CRACR2A: variants seen among roughly 807,000 people sequenced by gnomAD.
CRACR2A encodes calcium release activated channel regulator 2A.
CRACR2A carries 79 observed loss-of-function variants against 90.5 expected under a neutral mutation model. That is an observed-to-expected ratio of 0.87 (90% CI 0.73 to 1.05). The LOEUF (loss-of-function observed/expected upper bound fraction) is 1.05. Ranked by LOEUF, CRACR2A falls within the 50% of genes least tolerant of loss-of-function variation. The pLI is 0.00. For synonymous variants in CRACR2A, 338 were observed against 356.7 expected, an observed-to-expected ratio of 0.95 and a Z score of 0.59; for missense variants, 823 against 897.2, an observed-to-expected ratio of 0.92 and a Z score of 1.06.
chr12:3,729,089 T>C (rs1182509430), intron 2 of CRACR2A: 1 of 152,230 alleles, frequency 6.6e-6, no homozygotes, highest in Non-Finnish European at 1.5e-5. Flanking sequence ...CTGCCTGAAC[T>C]AGCCTCCAGG....
At chr12:3,721,808 T>C (rs1946182436) in intron 2 of CRACR2A, among the ~76,000 whole-genome samples, 1 of 152,184 alleles carries the variant, frequency 6.6e-6, no homozygotes, top group East Asian at 1.9e-4. Context: ...TGATGTTCTT[T>C]AGTATTTCCT....
intron 2 of CRACR2A, among the ~76,000 whole-genome samples, chr12:3,725,124 T>C (rs748552360): frequency 5.9e-5 from 9 of 152,206 alleles, no homozygotes; most frequent in Non-Finnish European, 1.0e-4. Flanking sequence ...TCACTCACTT[T>C]GCTTCCATAT....
intron 11 of CRACR2A, chr12:3,647,808 CT>C (rs1372211344): frequency 1.0e-6 from 1 of 969,132 alleles, no homozygotes. Context: ...ACCCAAAGTC[CT>C]TCTGTTTCCT....
rs988799150 is a variant in CRACR2A at position 3,687,088 on chromosome 12, C to T, written c.229-6739G>A. On this transcript the variant is annotated intron_variant, in intron 4 of 19. Coordinates refer to ENST00000440314, the MANE Select transcript of CRACR2A (RefSeq NM_001144958.2). ...TCCGATCACATGGCAGTCTCCCCAC[C>T]CCTTGACAATTGTAAAGCCAATCTC... is the stretch of plus-strand genomic sequence containing the variant. 6.6e-5 allele frequency among the ~76,000 whole-genome samples: 10 copies of T among 152,230 alleles called. No individual in the cohort carries two copies. In the South Asian group the frequency reaches 2.1e-3, roughly 32 times the overall value.
chr12:3,630,341 G>A lies in CRACR2A; in HGVS notation c.1736-2635C>T, dbSNP rs893675312. On this transcript the variant is annotated intron_variant, in intron 15 of 19. Coordinates refer to ENST00000440314, the MANE Select transcript of CRACR2A (RefSeq NM_001144958.2). ...CAGGAGGGTGACCTTAACCTTTCTC[G>A]AGGTGACAGCCCTGAGCTGTCATAA... 4.6e-5 allele frequency among the ~76,000 whole-genome samples: 7 copies of A among 152,156 alleles called. No homozygotes were observed. In the East Asian group the frequency reaches 9.6e-4, roughly 21 times the overall value.
intron 8 of CRACR2A, among the ~76,000 whole-genome samples, chr12:3,656,788 G>A (rs1008309609): frequency 2.0e-5 from 3 of 152,130 alleles, no homozygotes; most frequent in African/African-American, 7.2e-5. Context: ...GGGGGTGACT[G>A]GGGGAGGCAG....
chr12:3,716,006 A>G (rs889087669), intron 2 of CRACR2A, among the ~76,000 whole-genome samples: 43 of 152,266 alleles, frequency 2.8e-4, no homozygotes, highest in African/African-American at 1.0e-3. Flanking sequence ...TGAAGAGAAG[A>G]AGGAGCGGGA....
chr12:3,695,388 T>A (rs775398708), intron 4 of CRACR2A, among the ~76,000 whole-genome samples: 1 of 152,174 alleles, frequency 6.6e-6, no homozygotes, highest in Non-Finnish European at 1.5e-5. Context: ...GGGGGAGTCA[T>A]CACTGCAAAG....
rs911579790 is a variant in CRACR2A at position 3,633,228 on chromosome 12, G to T, written c.1735+376C>A. 3.3e-5 allele frequency among the ~76,000 whole-genome samples: 5 copies of T among 152,202 alleles called. No individual in the cohort carries two copies. The highest frequency in any genetic ancestry group is 1.2e-4 in the African/African-American group (5 of 41,522). ...CTCGGGAGGAGTCCTGGTCAGTTCA[G>T]GGGGAGCAGGAAGACCCAGGACCCT... On this transcript the variant is annotated intron_variant, in intron 15 of 19. Coordinates refer to ENST00000440314, the MANE Select transcript of CRACR2A (RefSeq NM_001144958.2). The surrounding 1 kb of genome is among the most constrained non-coding windows in gnomAD (Gnocchi z 4.5).
At chr12:3,721,901 T>C (rs940757097) in intron 2 of CRACR2A, among the ~76,000 whole-genome samples, 1 of 152,006 alleles carries the variant, frequency 6.6e-6, no homozygotes, top group Non-Finnish European at 1.5e-5. Context: ...TTTGGAAAAA[T>C]GTGAGTAGGG....
At chr12:3,646,890 C>G (rs1202887845) in intron 11 of CRACR2A, among the ~76,000 whole-genome samples, 1 of 152,200 alleles carries the variant, frequency 6.6e-6, no homozygotes, top group Non-Finnish European at 1.5e-5. Flanking sequence ...CGCTGCTCTA[C>G]TGTGATTCCT....
rs183497454 is a variant in CRACR2A, at chr12:3,688,446, G to C, written c.229-8097C>G. ...CCCAGCACCATTTATTGAATAGGGA[G>C]TCCTTTCCCCATTGCTTGTTTTTGT... On this transcript the variant is annotated intron_variant, in intron 4 of 19. Transcript: ENST00000440314. Among the ~76,000 whole-genome samples, 7 of 152,266 alleles carry C rather than the reference G, an allele frequency of 4.6e-5. No individual in the cohort carries two copies. In the East Asian group the frequency reaches 1.4e-3, roughly 29 times the overall value.
intron 7 of CRACR2A, among the ~76,000 whole-genome samples, chr12:3,663,919 T>C (rs994979310): frequency 6.6e-6 from 1 of 152,236 alleles, no homozygotes; most frequent in Admixed American, 6.5e-5. Context: ...GCTTCTGCCA[T>C]TGGCGTTTTG....
intron 13 of CRACR2A, chr12:3,640,417 A>G: frequency 1.2e-6 from 1 of 822,446 alleles, no homozygotes; most frequent in Non-Finnish European, 1.6e-6. Context: ...AATAATGGAG[A>G]TTAATGGTAG....
intron 2 of CRACR2A, among the ~76,000 whole-genome samples, chr12:3,722,152 C>A (rs1271746115): frequency 6.6e-5 from 10 of 152,180 alleles, no homozygotes; most frequent in Admixed American, 5.2e-4. Context: ...TACTACCCAG[C>A]ACAATGACTA....
chr12:3,634,562 G>A (rs1944427070), intron 14 of CRACR2A, among the ~76,000 whole-genome samples: 2 of 152,224 alleles, frequency 1.3e-5, no homozygotes, highest in Admixed American at 1.3e-4. Context: ...CCAGCACAGC[G>A]TCCTTCTGAG....
At chr12:3,631,711 A>C (rs897008744) in intron 15 of CRACR2A, among the ~76,000 whole-genome samples, 2 of 152,200 alleles carry the variant, frequency 1.3e-5, no homozygotes, top group African/African-American at 4.8e-5. Context: ...AAGATATTCC[A>C]GGTGTGATAA....
chr12:3,676,189 G>C (rs1459757520), intron 6 of CRACR2A, among the ~76,000 whole-genome samples: 2 of 152,154 alleles, frequency 1.3e-5, no homozygotes, highest in Non-Finnish European at 2.9e-5. Flanking sequence ...GCACTGTACT[G>C]GATGTCATGG....
intron 3 of CRACR2A, among the ~76,000 whole-genome samples, chr12:3,712,833 G>T (rs1277127088): frequency 1.3e-5 from 2 of 152,118 alleles, no homozygotes; most frequent in African/African-American, 4.8e-5. Flanking sequence ...AATCAGGATT[G>T]GACAGGCTCC....
Sources: gnomAD v4.1 joint callset for allele counts (sites outside exome capture counted in the v4.1 genomes callset) on GRCh38, gnomAD v4.1.1 for gene constraint, Gnocchi (gnomAD v3.1) non-coding constraint, MANE v1.5 for transcripts, NCBI Gene and HGNC (gene_info 2026-07-23, HGNC 2026-07-21) for gene names.